Variants in FUZ observed in about 807,000 individuals in gnomAD.
FUZ encodes the protein fuzzy planar cell polarity protein, also known as protein fuzzy homolog.
Under a neutral mutation model 43.1 loss-of-function variants are expected in FUZ, and 31 were observed. The ratio of observed to expected loss-of-function variants is 0.72; its 90% CI spans 0.54 to 0.97. The LOEUF (loss-of-function observed/expected upper bound fraction) is 0.97, where lower values mean the gene tolerates loss of function less well. FUZ is among the 50% of genes least tolerant of loss of function. The pLI is 0.00. For synonymous variants in FUZ, 274 were observed against 250.0 expected (o/e 1.10, Z -0.91); for missense variants, 539 against 543.8 (o/e 0.99, Z 0.09).
At position 49,807,235 on chromosome 19, in the gene FUZ, C is replaced by T; in HGVS notation, c.1173G>A (p.Leu391=). The change falls in exon 11 of 11, where the codon CTG becomes CTA. Residue 391 remains leucine, a synonymous_variant. Coordinates refer to ENST00000313777, the MANE Select transcript of FUZ (RefSeq NM_025129.5). Reference sequence around the variant, plus strand: ...TGGGACTCTGGGGAGACAGCAGCAGCAGCAGCCGCCGAAGCCCCAGCTGCA... The same window carrying T: ...TGGGACTCTGGGGAGACAGCAGCAGTAGCAGCCGCCGAAGCCCCAGCTGCA... ...VALQLGLRRL[L]LLLSPQSPTH... is the part of the protein sequence containing the mutation. The T allele has an allele frequency of 6.2e-7, 1 of 1,612,704 alleles. No individual in the cohort carries two copies. Among genetic ancestry groups the T allele is most frequent in the Non-Finnish European group, 8.5e-7 (1 of 1,179,724 alleles).
At chr19:49,812,910 A>T in intron 1 of FUZ, 86 bp downstream of exon 1, 1 of 1,387,642 alleles carries the variant, frequency 7.2e-7, no homozygotes, top group Non-Finnish European at 1.0e-6. Context: ...TCAACACTGA[A>T]ACTTCCCCAG....
intron 5 of FUZ, 154 bp downstream of exon 5, chr19:49,811,196 GAAAAGAAAAAAAA>G: frequency 3.1e-6 from 2 of 637,814 alleles, no homozygotes; most frequent in Non-Finnish European, 5.5e-6. Flanking sequence ...GAAAGAGAAA[GAAAAGAAAAAAAA>G]AAAAGAAAAA....
rs1368058169 is a variant in FUZ, at chr19:49,812,611, G to C, written c.233+4C>G. ...GTCCCTGTCCCACGTTCCCTCCTGG[G>C]GACCTGTCATGGAAGCTTTTCCACA... On this transcript the variant is annotated splice_donor_region_variant and intron_variant, in intron 2 of 10. Transcript: ENST00000313777. The C allele has an allele frequency of 1.2e-6, 2 of 1,613,966 alleles. No homozygotes were observed. Among genetic ancestry groups the C allele is most frequent in the African/African-American group, 2.7e-5 (2 of 74,880 alleles).
At chr19:49,812,375 G>C (rs745625508) in intron 2 of FUZ, 40 bp from the exon 3 acceptor site, 3 of 1,552,598 alleles carry the variant, frequency 1.9e-6, no homozygotes, top group Non-Finnish European at 2.7e-6. Flanking sequence ...AAGGCCTGGG[G>C]AATCAGGAAG....
chr19:49,812,965 T>G, intron 1 of FUZ, 31 bp downstream of exon 1: 1 of 1,528,284 alleles, frequency 6.5e-7, no homozygotes, highest in Non-Finnish European at 8.9e-7. Flanking sequence ...CGAACCCCCT[T>G]CGGTTTAGAT....
intron 2 of FUZ, 135 bp downstream of exon 2, chr19:49,812,479 AG>A (rs2073840548): frequency 4.4e-6 from 6 of 1,376,058 alleles, no homozygotes; most frequent in Admixed American, 1.8e-5. Flanking sequence ...CAGGGATCAA[AG>A]AGGGTAACTG....
chr19:49,810,107 G>A (rs1216660473), intron 5 of FUZ, among the ~76,000 whole-genome samples: 2 of 152,214 alleles, frequency 1.3e-5, no homozygotes, highest in African/African-American at 4.8e-5. Context: ...GGGGGTGCCA[G>A]GTGCCACAGG....
chr19:49,811,165 GAAAGA>G, intron 5 of FUZ, 193 bp downstream of exon 5: 1 of 612,972 alleles, frequency 1.6e-6, no homozygotes, highest in East Asian at 2.9e-5. Context: ...TAAAAAGAGA[GAAAGA>G]AAAGAAAAAA....
intron 10 of FUZ, among the ~76,000 whole-genome samples, chr19:49,807,594 C>A (rs2073458100): frequency 6.6e-6 from 1 of 152,174 alleles, no homozygotes; most frequent in Admixed American, 6.5e-5. Flanking sequence ...TCAGCCTTGG[C>A]CCCCATTTTC....
chr19:49,809,097 G>T lies in FUZ; in HGVS notation c.786+66C>A. On this transcript the variant is annotated intron_variant, in intron 7 of 10. Transcript: ENST00000313777. The surrounding 1 kb of genome is among the most constrained non-coding windows in gnomAD (Gnocchi z 5.1). Reference sequence around the variant, plus strand: ...AAAGATGCCGCTGGCAGGGCAGGGTGGTGGGGAAGGGCCCTCCTGGTAGCG... The same window carrying T: ...AAAGATGCCGCTGGCAGGGCAGGGTTGTGGGGAAGGGCCCTCCTGGTAGCG... 1 of 1,404,734 alleles carries T rather than the reference G, an allele frequency of 7.1e-7. No individual in the cohort carries two copies. The highest frequency in any genetic ancestry group is 9.9e-7 in the Non-Finnish European group (1 of 1,014,502). 87.0% of individuals were successfully genotyped at this position (1,404,734 alleles called of 1,614,324 possible). A position where few individuals can be genotyped will look rare whatever the true frequency, so the allele number is the denominator to read the frequency against.
At chr19:49,808,367 C>T (rs1284914566) in intron 10 of FUZ, 47 bp downstream of exon 10, 1 of 1,579,074 alleles carries the variant, frequency 6.3e-7, no homozygotes, top group Non-Finnish European at 8.6e-7. Context: ...CGACCTGGGA[C>T]TCAGTGTCCC....
intron 10 of FUZ, 144 bp from the exon 11 acceptor site, chr19:49,807,518 C>T (rs62129186): frequency 0.16 from 122,766 of 768,876 alleles, 10,760 homozygotes; most frequent in Middle Eastern, 0.22. Context: ...GGCCTCGGGG[C>T]TCTAGCTGGC....
intron 10 of FUZ, 55 bp from the exon 11 acceptor site, chr19:49,807,429 G>A: frequency 6.6e-7 from 1 of 1,510,984 alleles, no homozygotes; most frequent in Non-Finnish European, 9.0e-7. Context: ...ACCTTTGCAA[G>A]CCACACCACA....
At chr19:49,812,964 T>C (rs1157778385) in intron 1 of FUZ, 32 bp downstream of exon 1, 1 of 1,528,850 alleles carries the variant, frequency 6.5e-7, no homozygotes, top group Non-Finnish European at 8.9e-7. Context: ...CCGAACCCCC[T>C]TCGGTTTAGA....
intron 10 of FUZ, chr19:49,808,055 C>T (rs1434898153): frequency 1.3e-5 from 5 of 380,682 alleles, no homozygotes; most frequent in Non-Finnish European, 2.5e-5. Flanking sequence ...CACTCATGAG[C>T]TGAGCCTCAG....
chr19:49,807,411 G>A, intron 10 of FUZ, 37 bp from the exon 11 acceptor site: 1 of 1,569,186 alleles, frequency 6.4e-7, no homozygotes, highest in Non-Finnish European at 8.7e-7. Flanking sequence ...ATGACAAGTA[G>A]CATGCTAACC....
At position 49,809,510 on chromosome 19, in the gene FUZ, C is replaced by G; in HGVS notation, c.558G>C (p.Arg186=). ...ACCAACCCTCTGTTGCTGCCACCAC[C>G]CGGCCGGACACCACCAGACTGACGA... The part of the protein sequence containing the change: ...TTFVSLVVSG[R]VVAATEGWWR... Residue 186 remains arginine, a synonymous_variant, in exon 6 of 11, where the codon CGG becomes CGC. Transcript: ENST00000313777. The surrounding 1 kb of genome is among the most constrained non-coding windows in gnomAD (Gnocchi z 5.1). 6.3e-7 allele frequency: 1 copy of G among 1,597,270 alleles called. No homozygotes were observed. Among genetic ancestry groups the G allele is most frequent in the Non-Finnish European group, 8.5e-7 (1 of 1,175,476 alleles).
chr19:49,811,670 G>A lies in FUZ; in HGVS notation c.348C>T (p.Thr116=). The change falls in exon 4 of 11, where the codon ACC becomes ACT. Residue 116 remains threonine, a synonymous_variant. Transcript: ENST00000313777. ...MVLLVGLEEL[T]NIRNVERLKK... Reference sequence around the variant, plus strand: ...TCAGTCTCTCCACGTTGCGGATATTGGTCAGTTCTTCAAGTCCCACAAGAA... The same window carrying A: ...TCAGTCTCTCCACGTTGCGGATATTAGTCAGTTCTTCAAGTCCCACAAGAA... 1 of 1,614,098 alleles carries A rather than the reference G, an allele frequency of 6.2e-7. No homozygotes were observed. The highest frequency in any genetic ancestry group is 8.5e-7 in the Non-Finnish European group (1 of 1,179,984).
At position 49,813,278 on chromosome 19, in the gene FUZ, A is replaced by T. The variant is rs2073879792; in HGVS notation, c.-172T>A. On this transcript the variant is annotated 5_prime_UTR_variant, in exon 1 of 11. Coordinates refer to ENST00000313777, the MANE Select transcript of FUZ (RefSeq NM_025129.5). ...CTTCACCCAACTCAAACAGACCCTC[A>T]AACCCTATTCAGGCACCTCCCCCAA... 1 of 717,852 alleles carries T rather than the reference A, an allele frequency of 1.4e-6. No individual in the cohort carries two copies. The highest frequency in any genetic ancestry group is 2.7e-5 in the East Asian group (1 of 37,184). The allele number at this position is 717,852 out of a possible 1,614,324, so 44.5% of individuals were successfully genotyped here.
Sources: allele counts gnomAD v4.1 joint callset (sites outside exome capture counted in the v4.1 genomes callset), GRCh38; gene constraint gnomAD v4.1.1; non-coding constraint Gnocchi (gnomAD v3.1); transcripts MANE v1.5; gene names NCBI Gene and HGNC (gene_info 2026-07-23, HGNC 2026-07-21).